RNF217: variants seen among roughly 807,000 people sequenced by gnomAD.
RNF217 encodes ring finger protein 217.
A neutral mutation model predicts 57.8 loss-of-function variants in RNF217; 31 were observed. That is an observed-to-expected ratio of 0.54 (90% CI 0.40 to 0.72). The LOEUF is 0.72. RNF217 is among the 30% of genes least tolerant of loss of function. The probability of loss-of-function intolerance (pLI) is 0.00; values close to 1 mark genes in which losing one functional copy is unlikely to be tolerated. For synonymous variants in RNF217, 313 were observed against 294.0 expected, an observed-to-expected ratio of 1.06 and a Z score of -0.66; for missense variants, 696 against 708.3, an observed-to-expected ratio of 0.98 and a Z score of 0.20.
intron 3 of RNF217, among the ~76,000 whole-genome samples, chr6:125,067,942 A>G (rs956391216): frequency 1.3e-5 from 2 of 152,306 alleles, no homozygotes; most frequent in South Asian, 2.1e-4. Context: ...CACTGAAGCA[A>G]TAGTGTATCA....
chr6:124,989,748 C>T (rs1784486850), intron 1 of RNF217, among the ~76,000 whole-genome samples: 1 of 151,812 alleles, frequency 6.6e-6, no homozygotes, highest in South Asian at 2.1e-4. Flanking sequence ...AAACAGGCAG[C>T]AGGTTAGATG....
intron 2 of RNF217, among the ~76,000 whole-genome samples, chr6:125,057,504 T>C (rs1010139550): frequency 1.3e-5 from 2 of 152,154 alleles, no homozygotes; most frequent in African/African-American, 4.8e-5. Flanking sequence ...TTTTATTTGA[T>C]GAAGCATCTG....
intron 3 of RNF217, among the ~76,000 whole-genome samples, chr6:125,060,757 C>A (rs1787700687): frequency 6.6e-6 from 1 of 152,032 alleles, no homozygotes; most frequent in Non-Finnish European, 1.5e-5. Context: ...ATTTTGATTT[C>A]CAAATGATTT....
intron 1 of RNF217, among the ~76,000 whole-genome samples, chr6:124,989,666 T>C (rs1400656019): frequency 6.6e-6 from 1 of 152,114 alleles, no homozygotes; most frequent in Non-Finnish European, 1.5e-5. Flanking sequence ...TTATCAATTA[T>C]TACTATTCTT....
intron 1 of RNF217, among the ~76,000 whole-genome samples, chr6:125,032,292 A>C (rs1017567020): frequency 6.6e-6 from 1 of 152,162 alleles, no homozygotes; most frequent in African/African-American, 2.4e-5. Context: ...GAGACTAGCA[A>C]ATGTATTCAG....
In RNF217 at chr6:125,090,380, A is replaced by G. The variant is rs567779230; in HGVS notation, c.*7443A>G. 7.2e-5 allele frequency: 11 copies of G among 152,176 alleles called. No individual in the cohort carries two copies. In the South Asian group the frequency reaches 2.3e-3, roughly 32 times the overall value. 9.4% of individuals were successfully genotyped at this position (152,176 alleles called of 1,614,324 possible). ...GAACCAGTTGTTTTGATTCTATTTT[A>G]AACAAAATTGTAAGGCAATTTTATG... On this transcript the variant is annotated 3_prime_UTR_variant, in exon 6 of 6. Transcript: ENST00000521654.
chr6:124,972,155 C>A (rs1393294732), intron 1 of RNF217, among the ~76,000 whole-genome samples: 1 of 152,196 alleles, frequency 6.6e-6, no homozygotes, highest in Non-Finnish European at 1.5e-5. Flanking sequence ...TGTTTCCATT[C>A]ATTGTACTCA....
chr6:125,052,862 CAT>C (rs2114567297), intron 2 of RNF217, among the ~76,000 whole-genome samples: 1 of 152,162 alleles, frequency 6.6e-6, no homozygotes, highest in Non-Finnish European at 1.5e-5. Flanking sequence ...ATGATTTTTA[CAT>C]GTTTCCTATG....
intron 1 of RNF217, among the ~76,000 whole-genome samples, chr6:124,995,281 A>C (rs935971865): frequency 7.2e-5 from 11 of 152,210 alleles, no homozygotes; most frequent in Admixed American, 1.3e-4. Flanking sequence ...AGCTCACATA[A>C]AAAATAGAAC....
At chr6:125,039,158 T>C (rs934246525) in intron 1 of RNF217, among the ~76,000 whole-genome samples, 7 of 152,168 alleles carry the variant, frequency 4.6e-5, no homozygotes, top group Admixed American at 6.6e-5. Flanking sequence ...GCTCCATCCA[T>C]GTCCCTGTAA....
chr6:125,039,756 C>T (rs936002026), intron 1 of RNF217, among the ~76,000 whole-genome samples: 1 of 152,176 alleles, frequency 6.6e-6, no homozygotes, highest in African/African-American at 2.4e-5. Flanking sequence ...GTCTCTCAGA[C>T]TACAGTGCAA....
At chr6:125,070,383 G>A (rs1349453425) in intron 3 of RNF217, among the ~76,000 whole-genome samples, 1 of 152,172 alleles carries the variant, frequency 6.6e-6, no homozygotes, top group Admixed American at 6.5e-5. Flanking sequence ...CAGCAGGATT[G>A]CTGGATCAAA....
chr6:125,040,306 A>G (rs757403705), intron 1 of RNF217, among the ~76,000 whole-genome samples: 18 of 152,178 alleles, frequency 1.2e-4, no homozygotes, highest in Non-Finnish European at 2.4e-4. Context: ...AGAGAATACT[A>G]TAACACCTCT....
chr6:125,013,762 C>T (rs1211816260), intron 1 of RNF217, among the ~76,000 whole-genome samples: 4 of 152,008 alleles, frequency 2.6e-5, no homozygotes, highest in Admixed American at 6.6e-5. Context: ...TGAGTGGTAA[C>T]CAGAAAGAGC....
intron 1 of RNF217, chr6:125,009,086 GC>G: frequency 1.6e-6 from 1 of 606,992 alleles, no homozygotes; most frequent in Admixed American, 3.1e-5. Flanking sequence ...GATAGAATGT[GC>G]TTTCCTGAAC....
At chr6:125,009,469 G>T in intron 1 of RNF217, 1 of 457,902 alleles carries the variant, frequency 2.2e-6, no homozygotes. Context: ...AATGTAAGAA[G>T]GCAGAAAAAA....
chr6:125,051,621 A>G (rs1220916213), intron 2 of RNF217, among the ~76,000 whole-genome samples: 1 of 152,024 alleles, frequency 6.6e-6, no homozygotes, highest in Non-Finnish European at 1.5e-5. Context: ...TCCATTTTCA[A>G]AAACCTCAGA....
intron 3 of RNF217, among the ~76,000 whole-genome samples, chr6:125,068,658 T>C (rs190605313): frequency 1.2e-4 from 19 of 152,356 alleles, no homozygotes; most frequent in Admixed American, 1.1e-3. Context: ...GGTTAATGTC[T>C]GTATACATGT....
At chr6:125,050,013 T>A (rs77496024) in intron 2 of RNF217, among the ~76,000 whole-genome samples, 1 of 151,936 alleles carries the variant, frequency 6.6e-6, no homozygotes, top group Non-Finnish European at 1.5e-5. Context: ...GGGATTGTCA[T>A]TGAACTTACG....
Sources: allele counts gnomAD v4.1 joint callset (sites outside exome capture counted in the v4.1 genomes callset), GRCh38; gene constraint gnomAD v4.1.1; transcripts MANE v1.5; gene names NCBI Gene and HGNC (gene_info 2026-07-23, HGNC 2026-07-21).